The following ALK variants were observed in gnomAD, a reference collection of about 807,000 sequenced individuals.
ALK encodes ALK tyrosine kinase receptor.
ALK carries 74 observed loss-of-function variants against 163.1 expected under a neutral mutation model. The ratio of observed to expected loss-of-function variants is 0.45; its 90% CI spans 0.38 to 0.55. The LOEUF (loss-of-function observed/expected upper bound fraction) is 0.55, where lower values mean the gene tolerates loss of function less well. ALK is among the 20% of genes least tolerant of loss of function. The probability of loss-of-function intolerance (pLI) is 0.00; values close to 1 mark genes in which losing one functional copy is unlikely to be tolerated. For missense variants in ALK, 2,063 were observed against 2,105.3 expected (o/e 0.98, Z 0.39); for synonymous variants, 960 against 843.2 (o/e 1.14, Z -2.40).
chr2:29,609,670 G>T (rs1675636441), intron 3 of ALK, among the ~76,000 whole-genome samples: 1 of 149,106 alleles, frequency 6.7e-6, no homozygotes, highest in South Asian at 2.1e-4. Context: ...CAGATACAGG[G>T]TCTTGCTCTG....
intron 3 of ALK, among the ~76,000 whole-genome samples, chr2:29,591,070 C>CAAAAA (rs35070273): frequency 2.6e-4 from 12 of 46,908 alleles, no homozygotes; most frequent in African/African-American, 6.0e-4. Context: ...GACTCCGTCT[C>CAAAAA]AAAAAAAAAA....
chr2:29,893,927 G>A (rs564615063), intron 1 of ALK, among the ~76,000 whole-genome samples: 2 of 152,138 alleles, frequency 1.3e-5, no homozygotes, highest in African/African-American at 2.4e-5. Flanking sequence ...GTCTCTTATG[G>A]ACTGATATGA....
chr2:29,528,838 T>C (rs1206348670), intron 4 of ALK, among the ~76,000 whole-genome samples: 1 of 152,186 alleles, frequency 6.6e-6, no homozygotes, highest in Non-Finnish European at 1.5e-5. Context: ...TGTGACTCTG[T>C]GATCAGCCGG....
chr2:29,231,028 C>T lies in ALK; in HGVS notation c.2632+1276G>A, dbSNP rs114633276. On this transcript the variant is annotated intron_variant, in intron 15 of 28. Coordinates refer to ENST00000389048, the MANE Select transcript of ALK (RefSeq NM_004304.5). Reference sequence around the variant, plus strand: ...ATAACCCATATCAAAATCAGAACAACGGTGTTTTAAAAATACGAATTGAGT... The same window carrying T: ...ATAACCCATATCAAAATCAGAACAATGGTGTTTTAAAAATACGAATTGAGT... 6.4e-3 allele frequency among the ~76,000 whole-genome samples: 977 copies of T among 152,208 alleles called. 6 individuals are homozygous for T. Among genetic ancestry groups the T allele is most frequent in the African/African-American group, 0.022 (934 of 41,536 alleles).
chr2:29,196,309 T>G (rs956229984), intron 28 of ALK, among the ~76,000 whole-genome samples: 7 of 152,244 alleles, frequency 4.6e-5, no homozygotes, highest in Admixed American at 2.0e-4. Context: ...CCAGATTACT[T>G]TGAAATTTCA....
intron 4 of ALK, among the ~76,000 whole-genome samples, chr2:29,393,144 C>G (rs1211312057): frequency 6.6e-6 from 1 of 152,188 alleles, no homozygotes; most frequent in East Asian, 1.9e-4. Flanking sequence ...TCCACACCCA[C>G]TGAGAGTCAG....
intron 11 of ALK, among the ~76,000 whole-genome samples, chr2:29,256,668 C>T (rs1664956485): frequency 1.3e-5 from 2 of 151,694 alleles, no homozygotes; most frequent in Non-Finnish European, 2.9e-5. Flanking sequence ...CAGGACAGAC[C>T]ATATGAAGGT....
chr2:29,891,089 T>G (rs1486620339), intron 1 of ALK: 3 of 152,148 alleles, frequency 2.0e-5, no homozygotes, highest in East Asian at 3.9e-4. Context: ...ACAACATAAA[T>G]GAAAGCACAT....
At chr2:29,461,769 C>A (rs1010666035) in intron 4 of ALK, among the ~76,000 whole-genome samples, 26 of 152,028 alleles carry the variant, frequency 1.7e-4, no homozygotes, top group Non-Finnish European at 2.9e-5. Context: ...GCCCATTGAT[C>A]ACGAAGTAAT....
At chr2:29,755,076 T>C (rs1680476806) in intron 1 of ALK, among the ~76,000 whole-genome samples, 1 of 78,846 alleles carries the variant, frequency 1.3e-5, no homozygotes, top group Non-Finnish European at 4.3e-5. Flanking sequence ...CAGCAGCTTC[T>C]CTAAGGGTAC....
intron 4 of ALK, among the ~76,000 whole-genome samples, chr2:29,462,125 T>G (rs750319542): frequency 6.6e-6 from 1 of 152,100 alleles, no homozygotes; most frequent in African/African-American, 2.4e-5. Flanking sequence ...ATGATAAAAT[T>G]TGAATGGAAG....
At chr2:29,212,897 G>A (rs10181879) in intron 24 of ALK, among the ~76,000 whole-genome samples, 43,800 of 151,852 alleles carry the variant, frequency 0.29, 7,482 homozygotes, top group East Asian at 0.73. Context: ...TAGACATGGG[G>A]TTGCTCCATG....
chr2:29,323,394 A>G (rs1190409135), intron 6 of ALK, among the ~76,000 whole-genome samples: 1 of 152,250 alleles, frequency 6.6e-6, no homozygotes, highest in Non-Finnish European at 1.5e-5. Flanking sequence ...TCAGCTGGAC[A>G]GAAGAAAGCC....
At chr2:29,216,801 G>T (rs978502670) in intron 23 of ALK, among the ~76,000 whole-genome samples, 2 of 149,610 alleles carry the variant, frequency 1.3e-5, no homozygotes, top group Non-Finnish European at 3.0e-5. Context: ...ATGTGTGGGG[G>T]TGTATGTGGC....
chr2:29,546,636 G>GT (rs1482556569), intron 3 of ALK, among the ~76,000 whole-genome samples: 2 of 152,144 alleles, frequency 1.3e-5, no homozygotes, highest in Non-Finnish European at 2.9e-5. Context: ...TCCCACGTGG[G>GT]TTTTTTAGCT....
chr2:29,800,833 A>G (rs530388100), intron 1 of ALK, among the ~76,000 whole-genome samples: 8 of 152,344 alleles, frequency 5.3e-5, no homozygotes, highest in African/African-American at 1.7e-4. Context: ...AAATAAGGCA[A>G]TTTGGGGAGC....
At chr2:29,864,266 C>T (rs1237820081) in intron 1 of ALK, among the ~76,000 whole-genome samples, 2 of 152,188 alleles carry the variant, frequency 1.3e-5, no homozygotes, top group Non-Finnish European at 2.9e-5. Flanking sequence ...CTGTCTTGAA[C>T]ACAGCCAGTT....
intron 4 of ALK, among the ~76,000 whole-genome samples, chr2:29,393,554 C>T (rs1372603990): frequency 6.6e-6 from 1 of 152,208 alleles, no homozygotes; most frequent in Non-Finnish European, 1.5e-5. Context: ...ACTGGATCAT[C>T]CCCTTTCTGT....
intron 12 of ALK, among the ~76,000 whole-genome samples, chr2:29,250,476 G>A (rs1213830443): frequency 2.0e-5 from 3 of 152,116 alleles, no homozygotes. Context: ...CAGACCTGCA[G>A]AACCAGATGC....
Sources: gnomAD v4.1 joint callset for allele counts (sites outside exome capture counted in the v4.1 genomes callset) on GRCh38, gnomAD v4.1.1 for gene constraint, MANE v1.5 for transcripts, NCBI Gene and HGNC (gene_info 2026-07-23, HGNC 2026-07-21) for gene names.